Variants in KCTD16 observed in about 807,000 individuals in gnomAD.
The protein encoded by KCTD16 is BTB/POZ domain-containing protein KCTD16.
KCTD16 carries 13 observed loss-of-function variants against 33.2 expected under a neutral mutation model. That is an observed-to-expected ratio of 0.39 (90% confidence interval 0.25 to 0.62). KCTD16 has a LOEUF of 0.62. KCTD16 is among the 20% of genes least tolerant of loss of function. KCTD16 has a pLI of 0.50. For missense variants in KCTD16, 441 were observed against 525.1 expected, an observed-to-expected ratio of 0.84 and a Z score of 1.57; for synonymous variants, 197 against 195.3, an observed-to-expected ratio of 1.01 and a Z score of -0.07.
At chr5:144,181,033 C>G (rs886562763) in intron 2 of KCTD16, among the ~76,000 whole-genome samples, 1,291 of 135,984 alleles carry the variant, frequency 9.5e-3, no homozygotes, top group African/African-American at 0.028. Flanking sequence ...CCCGGGTTCA[C>G]GCCATTCTCC....
chr5:144,224,295 G>A (rs1448248970), intron 3 of KCTD16, among the ~76,000 whole-genome samples: 3 of 150,174 alleles, frequency 2.0e-5, no homozygotes. Flanking sequence ...GACTTTAAAT[G>A]CTTTGTACCT....
rs1430792944 is a variant in KCTD16 at position 144,480,952 on chromosome 5, A to T, written c.*6838A>T. On this transcript the variant is annotated 3_prime_UTR_variant, in exon 4 of 4. Transcript: ENST00000512467. ...GGAACCAGTTTAAATGTGTATAGAA[A>T]TTATATGTATGGAAATTATTTGAAG... The T allele has an allele frequency of 6.6e-6, 1 of 151,982 alleles. No individual in the cohort carries two copies. Among genetic ancestry groups the T allele is most frequent in the Non-Finnish European group, 1.5e-5 (1 of 67,916 alleles). 9.4% of individuals were successfully genotyped at this position (151,982 alleles called of 1,614,324 possible).
In KCTD16 at chr5:144,238,000, A is replaced by T. The variant is rs78957832; in HGVS notation, c.832+30454A>T. Among the ~76,000 whole-genome samples the T allele has an allele frequency of 2.2e-3, 331 of 152,308 alleles. 1 individual carries two copies. Among genetic ancestry groups the T allele is most frequent in the Admixed American group, 7.7e-3 (118 of 15,282 alleles). ...AACCACTCTGGTTGCTTAGCATCAG[A>T]CACTATTACTAGTGACTGGCATTTT... On this transcript the variant is annotated intron_variant, in intron 3 of 3. Coordinates refer to ENST00000512467, the MANE Select transcript of KCTD16 (RefSeq NM_020768.4).
chr5:144,319,245 A>C (rs889781985), intron 3 of KCTD16, among the ~76,000 whole-genome samples: 1 of 152,152 alleles, frequency 6.6e-6, no homozygotes, highest in African/African-American at 2.4e-5. Flanking sequence ...TCCATTGGGA[A>C]AAGTTCCATT....
At chr5:144,297,383 T>A (rs915786775) in intron 3 of KCTD16, among the ~76,000 whole-genome samples, 2 of 152,156 alleles carry the variant, frequency 1.3e-5, no homozygotes, top group Non-Finnish European at 2.9e-5. Context: ...GAAGTCAGGA[T>A]GGGTTCAGGG....
intron 3 of KCTD16, among the ~76,000 whole-genome samples, chr5:144,468,808 G>A (rs954106545): frequency 1.7e-4 from 26 of 152,164 alleles, no homozygotes; most frequent in Admixed American, 1.7e-3. Context: ...ACAACCATTA[G>A]CAGGCGGAAA....
At chr5:144,303,583 C>T (rs1751504421) in intron 3 of KCTD16, among the ~76,000 whole-genome samples, 1 of 152,144 alleles carries the variant, frequency 6.6e-6, no homozygotes, top group South Asian at 2.1e-4. Flanking sequence ...GTGACCTGCA[C>T]CTGTTTAGTT....
intron 3 of KCTD16, among the ~76,000 whole-genome samples, chr5:144,376,045 G>T (rs1198718261): frequency 1.8e-4 from 27 of 152,150 alleles, no homozygotes. Context: ...GGCTGGTCTT[G>T]AACTCCTGAG....
intron 3 of KCTD16, among the ~76,000 whole-genome samples, chr5:144,324,196 A>G (rs1490810786): frequency 6.6e-6 from 1 of 152,132 alleles, no homozygotes; most frequent in African/African-American, 2.4e-5. Context: ...TGATGTAACT[A>G]AATAGTACCC....
intron 3 of KCTD16, among the ~76,000 whole-genome samples, chr5:144,403,610 C>T (rs1476644819): frequency 6.6e-6 from 1 of 152,138 alleles, no homozygotes; most frequent in Non-Finnish European, 1.5e-5. Flanking sequence ...CGATTTCTGG[C>T]CTCTGGAATA....
At chr5:144,454,203 A>G (rs760239302) in intron 3 of KCTD16, among the ~76,000 whole-genome samples, 4 of 152,220 alleles carry the variant, frequency 2.6e-5, no homozygotes, top group Admixed American at 6.5e-5. Context: ...CTCAGAATTC[A>G]GGAAGCTACC....
Position 144,207,344 on chromosome 5 carries a change from T to A in KCTD16, c.630T>A (p.Asn210Lys). Reference sequence around the variant, plus strand: ...AAGAAGTCTTTGGAGAAACTTTGAATGAAAGCAGAGACCCTGATCGAGCCC... The same window carrying A: ...AAGAAGTCTTTGGAGAAACTTTGAAAGAAAGCAGAGACCCTGATCGAGCCC... ...LAKEVFGETL[N>K]ESRDPDRAPE... is the part of the protein sequence containing the mutation. Residue 210 changes from asparagine (N) to lysine (K), a missense_variant, in exon 3 of 4, where the codon AAT (asparagine) becomes AAA (lysine). By Grantham distance (94) the Asn-to-Lys change is moderately conservative (BLOSUM62 0). This residue lies in a region of KCTD16 where 355 missense variants were observed against 413.0 expected (regional missense o/e 0.86). Coordinates refer to ENST00000512467, the MANE Select transcript of KCTD16 (RefSeq NM_020768.4). 1.2e-6 allele frequency: 2 copies of A among 1,614,186 alleles called. No individual in the cohort carries two copies. Among genetic ancestry groups the A allele is most frequent in the Non-Finnish European group, 1.7e-6 (2 of 1,180,042 alleles).
At chr5:144,250,084 G>A (rs1313776124) in intron 3 of KCTD16, among the ~76,000 whole-genome samples, 1 of 152,096 alleles carries the variant, frequency 6.6e-6, no homozygotes, top group Non-Finnish European at 1.5e-5. Context: ...CCGGCTGCTG[G>A]CAGTGTAACA....
intron 3 of KCTD16, among the ~76,000 whole-genome samples, chr5:144,346,709 C>A (rs1309769099): frequency 6.6e-6 from 1 of 152,108 alleles, no homozygotes; most frequent in Non-Finnish European, 1.5e-5. Context: ...GATTATTAGA[C>A]TTTTCCCTAT....
rs572468937 is a variant in KCTD16 at position 144,196,378 on chromosome 5, G to A, written c.-326-10011G>A. ...TACTTTTTCTTTCTTTACCCTTATA[G>A]GTATAAATGACCTCGGACCAAATGG... is the stretch of plus-strand genomic sequence containing the variant. On this transcript the variant is annotated intron_variant, in intron 2 of 3. Transcript: ENST00000512467. 3.9e-5 allele frequency among the ~76,000 whole-genome samples: 6 copies of A among 152,064 alleles called. No individual in the cohort carries two copies. The East Asian group carries it at 1.2e-3, about 29-fold the overall frequency.
intron 3 of KCTD16, among the ~76,000 whole-genome samples, chr5:144,213,343 TTCTC>T (rs1030574532): frequency 2.0e-5 from 3 of 151,920 alleles, no homozygotes; most frequent in Non-Finnish European, 4.4e-5. Context: ...CTATTCCCTT[TTCTC>T]TCTCTCTTTT....
intron 2 of KCTD16, among the ~76,000 whole-genome samples, chr5:144,194,003 A>G (rs1752893491): frequency 6.6e-6 from 1 of 152,146 alleles, no homozygotes; most frequent in South Asian, 2.1e-4. Flanking sequence ...CTCGAGTGTA[A>G]GGTGCTGGTA....
intron 3 of KCTD16, among the ~76,000 whole-genome samples, chr5:144,432,842 ATATG>A (rs1753495144): frequency 6.6e-6 from 1 of 152,102 alleles, no homozygotes; most frequent in African/African-American, 2.4e-5. Context: ...ATATATGTCT[ATATG>A]TATGCATACA....
At chr5:144,256,217 C>A (rs569752053) in intron 3 of KCTD16, among the ~76,000 whole-genome samples, 1 of 152,280 alleles carries the variant, frequency 6.6e-6, no homozygotes, top group Non-Finnish European at 1.5e-5. Flanking sequence ...GATGCAGCAT[C>A]ATTTGGACAA....
Sources: allele counts gnomAD v4.1 joint callset (sites outside exome capture counted in the v4.1 genomes callset), GRCh38; gene constraint gnomAD v4.1.1; regional missense constraint gnomAD v4.1.1; transcripts MANE v1.5; gene names NCBI Gene and HGNC (gene_info 2026-07-23, HGNC 2026-07-21).